GON4L: variants seen among roughly 807,000 people sequenced by gnomAD.
The protein encoded by GON4L is gon-4 like, also known as GON-4-like protein.
In GON4L, 87 loss-of-function variants were observed where a neutral mutation model predicts 211.8. The observed-to-expected ratio is 0.41, with a 90% confidence interval of 0.35 to 0.49. GON4L has a LOEUF of 0.49. GON4L is among the 20% of genes least tolerant of loss of function. GON4L has a pLI of 0.15. For synonymous variants in GON4L, 875 were observed against 962.6 expected (o/e 0.91, Z 1.68); for missense variants, 2,155 against 2,659.5 (o/e 0.81, Z 4.17).
At chr1:155,830,685 CA>C (rs1669678151) in intron 2 of GON4L, among the ~76,000 whole-genome samples, 1 of 152,106 alleles carries the variant, frequency 6.6e-6, no homozygotes, top group South Asian at 2.1e-4. Flanking sequence ...CTCCTGGGCT[CA>C]AGTGATCCTT....
At chr1:155,792,145 A>G (rs1665656373) in intron 12 of GON4L, among the ~76,000 whole-genome samples, 1 of 152,136 alleles carries the variant, frequency 6.6e-6, no homozygotes, top group Non-Finnish European at 1.5e-5. Flanking sequence ...AACAGGACTA[A>G]AAAGGCCACC....
intron 2 of GON4L, chr1:155,845,988 C>A: frequency 4.8e-6 from 1 of 207,578 alleles, no homozygotes. Flanking sequence ...CTTCTGGGTA[C>A]CAGAAGCTAC....
intron 6 of GON4L, among the ~76,000 whole-genome samples, chr1:155,816,918 A>C (rs1486334895): frequency 1.3e-5 from 2 of 152,018 alleles, no homozygotes; most frequent in Non-Finnish European, 2.9e-5. Context: ...CTTGGAATTT[A>C]GATTCATTGT....
chr1:155,849,224 G>A (rs1671540563), intron 2 of GON4L, among the ~76,000 whole-genome samples: 1 of 150,636 alleles, frequency 6.6e-6, no homozygotes, highest in Non-Finnish European at 1.5e-5. Context: ...GGGAGGCTGA[G>A]GCGGGTGGTC....
intron 2 of GON4L, among the ~76,000 whole-genome samples, chr1:155,843,167 G>A (rs1243406794): frequency 6.6e-6 from 1 of 152,132 alleles, no homozygotes; most frequent in East Asian, 1.9e-4. Context: ...CTAAAGCCCA[G>A]TGTGATACTC....
At chr1:155,845,001 T>C (rs1008189847) in intron 2 of GON4L, among the ~76,000 whole-genome samples, 4 of 152,130 alleles carry the variant, frequency 2.6e-5, no homozygotes, top group Non-Finnish European at 5.9e-5. Flanking sequence ...TTTTTACTCC[T>C]CCAGTGCTAG....
At chr1:155,832,279 CAAAAAAAAAAAAAAAAAA>C (rs71080731) in intron 2 of GON4L, among the ~76,000 whole-genome samples, 7 of 57,374 alleles carry the variant, frequency 1.2e-4, no homozygotes, top group Non-Finnish European at 2.2e-4. Context: ...GACTCCGTCT[CAAAAAAAAAAAAAAAAAA>C]AAAAAGAAAG....
At chr1:155,772,965 T>C in intron 18 of GON4L, 101 bp downstream of exon 18, 1 of 1,456,422 alleles carries the variant, frequency 6.9e-7, no homozygotes, top group Non-Finnish European at 9.6e-7. Flanking sequence ...TTTGTGTCCG[T>C]GTCTTATTAT....
intron 11 of GON4L, among the ~76,000 whole-genome samples, chr1:155,803,870 G>T (rs1045965199): frequency 6.6e-6 from 1 of 152,166 alleles, no homozygotes; most frequent in Non-Finnish European, 1.5e-5. Flanking sequence ...AAAAATAAAT[G>T]TGAGAATGGA....
At chr1:155,826,555 A>G (rs1269728631) in intron 3 of GON4L, among the ~76,000 whole-genome samples, 1 of 150,766 alleles carries the variant, frequency 6.6e-6, no homozygotes, top group African/African-American at 2.4e-5. Context: ...GACAAGAACA[A>G]AACTCCGTCT....
intron 10 of GON4L, among the ~76,000 whole-genome samples, chr1:155,807,179 T>A (rs560667549): frequency 6.6e-6 from 1 of 150,976 alleles, no homozygotes; most frequent in East Asian, 1.9e-4. Context: ...GGTGACAAGA[T>A]CGCTTGAGTC....
chr1:155,834,886 C>T lies in GON4L; in HGVS notation c.506-7858G>A, dbSNP rs1489722644. On this transcript the variant is annotated intron_variant, in intron 2 of 31. Transcript: ENST00000368331. The stretch of plus-strand genomic sequence containing the variant: ...GAGCCCCTCTGCCCAGCCAGCCGCC[C>T]CGTCCGGGAGGTGAGGGGCGCCTCT... Among the ~76,000 whole-genome samples the T allele has an allele frequency of 2.9e-4, 43 of 146,810 alleles. 1 individual carries two copies. Among genetic ancestry groups the T allele is most frequent in the Non-Finnish European group, 5.9e-5 (4 of 68,000 alleles).
intron 14 of GON4L, among the ~76,000 whole-genome samples, chr1:155,781,299 C>A (rs563489094): frequency 6.6e-6 from 1 of 151,680 alleles, no homozygotes; most frequent in South Asian, 2.1e-4. Flanking sequence ...CCTGCCAACA[C>A]GTCCGACTAA....
At position 155,824,888 on chromosome 1, in the gene GON4L, T is replaced by C. The variant is rs916409162; in HGVS notation, c.697+1949A>G. On this transcript the variant is annotated intron_variant, in intron 3 of 31. Coordinates refer to ENST00000368331, the MANE Select transcript of GON4L (RefSeq NM_001282860.2). Reference sequence around the variant, plus strand: ...AAAGCAAACCAGGTGAGGAGGCTCATGCCTGTAATCCCAGCACTTTGAGAG... The same window carrying C: ...AAAGCAAACCAGGTGAGGAGGCTCACGCCTGTAATCCCAGCACTTTGAGAG... Among the ~76,000 whole-genome samples, 4 of 151,754 alleles carry C rather than the reference T, an allele frequency of 2.6e-5. No homozygotes were observed. The East Asian group carries it at 5.8e-4, about 22-fold the overall frequency.
chr1:155,848,916 G>A (rs1671499500), intron 2 of GON4L, among the ~76,000 whole-genome samples: 1 of 152,118 alleles, frequency 6.6e-6, no homozygotes, highest in Non-Finnish European at 1.5e-5. Flanking sequence ...GGGAGGCCGA[G>A]GCAGGCGGAT....
intron 10 of GON4L, among the ~76,000 whole-genome samples, chr1:155,809,409 G>A (rs2102130500): frequency 6.6e-6 from 1 of 151,342 alleles, no homozygotes; most frequent in South Asian, 2.1e-4. Context: ...GTATGTGTTT[G>A]GTAAATAAAT....
chr1:155,809,889 CATATATATAA>C (rs1667543366), intron 10 of GON4L, among the ~76,000 whole-genome samples: 1 of 10,984 alleles, frequency 9.1e-5, no homozygotes, highest in African/African-American at 3.1e-4. Flanking sequence ...AAATTATATA[CATATATATAA>C]TTATAAATTA....
intron 4 of GON4L, among the ~76,000 whole-genome samples, chr1:155,821,859 G>C (rs189841357): frequency 5.3e-4 from 80 of 152,312 alleles, no homozygotes; most frequent in African/African-American, 1.8e-3. Context: ...AGAGTAACAA[G>C]AGCAAAGGCT....
chr1:155,785,435 T>G, intron 12 of GON4L, 61 bp from the exon 13 acceptor site: 1 of 1,134,424 alleles, frequency 8.8e-7, no homozygotes, highest in Admixed American at 1.7e-5. Flanking sequence ...AAGGAGGAAT[T>G]CCATGAAGAC....
Sources: allele counts gnomAD v4.1 joint callset (sites outside exome capture counted in the v4.1 genomes callset), GRCh38; gene constraint gnomAD v4.1.1; transcripts MANE v1.5; gene names NCBI Gene and HGNC (gene_info 2026-07-23, HGNC 2026-07-21).